Variants in PPME1 observed in about 807,000 individuals in gnomAD.
The protein encoded by PPME1 is protein phosphatase methylesterase 1, also known as testicular secretory protein Li 39.
PPME1 carries 17 observed loss-of-function variants against 56.9 expected under a neutral mutation model. The observed-to-expected ratio is 0.30, with a 90% CI of 0.20 to 0.45. The LOEUF (loss-of-function observed/expected upper bound fraction) is 0.45. Among genes scored for constraint, PPME1 ranks in the 20% least tolerant of loss-of-function variants. The probability of loss-of-function intolerance (pLI) is 1.00; values close to 1 mark genes in which losing one functional copy is unlikely to be tolerated. For synonymous variants in PPME1, 122 were observed against 156.2 expected, an observed-to-expected ratio of 0.78 and a Z score of 1.63; for missense variants, 357 against 483.2, an observed-to-expected ratio of 0.74 and a Z score of 2.45.
intron 12 of PPME1, chr11:74,251,227 T>C (rs745480545): frequency 7.9e-5 from 111 of 1,402,780 alleles, no homozygotes; most frequent in Non-Finnish European, 1.0e-4. Flanking sequence ...CTACTGACAC[T>C]CTGCTATTTC....
intron 11 of PPME1, chr11:74,249,776 TAC>T (rs1156762569): frequency 6.6e-6 from 1 of 152,316 alleles, no homozygotes; most frequent in East Asian, 1.9e-4. Flanking sequence ...ACTTGAAACT[TAC>T]AAGAGGGCCA....
intron 1 of PPME1, among the ~76,000 whole-genome samples, chr11:74,179,176 A>G (rs1857469962): frequency 6.6e-6 from 1 of 152,154 alleles, no homozygotes; most frequent in African/African-American, 2.4e-5. Context: ...GTTTAAGTAG[A>G]CATCCTCTCT....
Position 74,188,525 on chromosome 11 carries a change from G to A in PPME1, c.102-15203G>A, listed in dbSNP as rs544630748. ...AAAGGAAGGACAAAAGGAATCAAGC[G>A]TTCACCCTGACATTTTCATTTCAAA... On this transcript the variant is annotated intron_variant, in intron 1 of 13. Transcript: ENST00000328257. Among the ~76,000 whole-genome samples the A allele has an allele frequency of 3.9e-5, 6 of 152,126 alleles. No homozygotes were observed. In the South Asian group the frequency reaches 1.0e-3, roughly 26 times the overall value.
At chr11:74,218,563 A>G (rs149941442) in intron 3 of PPME1, among the ~76,000 whole-genome samples, 8,672 of 152,222 alleles carry the variant, frequency 0.057, 415 homozygotes, top group African/African-American at 0.13. Context: ...ACATAGACCA[A>G]TGGAACAGAA....
At position 74,246,193 on chromosome 11, in the gene PPME1, C is replaced by T; in HGVS notation, c.952C>T (p.Leu318=). Residue 318 remains leucine, a synonymous_variant, in exon 10 of 14, where the codon CTG becomes TTG. Coordinates refer to ENST00000328257, the MANE Select transcript of PPME1 (RefSeq NM_016147.3). The part of the protein sequence containing the change: ...LFLSCPIPKL[L]LLAGVDRLDK... ...TCTTAGTTGTCCCATTCCTAAATTG[C>T]TGCTCTTGGCTGGTAAGTGTATATG... 6.4e-7 allele frequency: 1 copy of T among 1,551,748 alleles called. No individual in the cohort carries two copies. Among genetic ancestry groups the T allele is most frequent in the South Asian group, 1.2e-5 (1 of 84,010 alleles).
At chr11:74,193,910 G>A (rs747848947) in intron 1 of PPME1, among the ~76,000 whole-genome samples, 10 of 151,974 alleles carry the variant, frequency 6.6e-5, no homozygotes, top group South Asian at 6.2e-4. Flanking sequence ...GTTTCCTCAC[G>A]TATTTTATGC....
chr11:74,230,734 G>T lies in PPME1; in HGVS notation c.554-178G>T, dbSNP rs967278501. 4.7e-5 allele frequency: 29 copies of T among 618,696 alleles called. No individual in the cohort carries two copies. The highest frequency in any genetic ancestry group is 7.6e-5 in the Non-Finnish European group (27 of 354,448). The allele number at this position is 618,696 out of a possible 1,614,324, so 38.3% of individuals were successfully genotyped here. A position where few individuals can be genotyped will look rare whatever the true frequency, so the allele number is the denominator to read the frequency against. On this transcript the variant is annotated intron_variant, in intron 6 of 13. Transcript: ENST00000328257. The surrounding 1 kb of genome is among the most constrained non-coding windows in gnomAD (Gnocchi z 4.9). ...ACAAGTCATCCTCTTCAGTGTGAGG[G>T]CATGACATAAAGAAGTGAATACCCC...
intron 1 of PPME1, among the ~76,000 whole-genome samples, chr11:74,203,196 G>T (rs1198891858): frequency 6.6e-6 from 1 of 152,100 alleles, no homozygotes; most frequent in Non-Finnish European, 1.5e-5. Flanking sequence ...TAAGTTGAAG[G>T]TATTGATATT....
intron 1 of PPME1, among the ~76,000 whole-genome samples, chr11:74,189,631 T>G (rs1250161815): frequency 6.6e-6 from 1 of 152,222 alleles, no homozygotes; most frequent in African/African-American, 2.4e-5. Flanking sequence ...TAAGATATTC[T>G]AATCACTTCT....
At chr11:74,193,757 T>G (rs1030333105) in intron 1 of PPME1, among the ~76,000 whole-genome samples, 5 of 152,248 alleles carry the variant, frequency 3.3e-5, no homozygotes, top group Non-Finnish European at 4.4e-5. Flanking sequence ...CTGTGTCTAA[T>G]ATGTTAAACT....
chr11:74,184,587 A>G lies in PPME1; in HGVS notation c.101+13065A>G, dbSNP rs911083830. Among the ~76,000 whole-genome samples, 9 of 152,174 alleles carry G rather than the reference A, an allele frequency of 5.9e-5. 1 individual carries two copies. The highest frequency in any genetic ancestry group is 2.0e-4 in the Admixed American group (3 of 15,286). On this transcript the variant is annotated intron_variant, in intron 1 of 13. Transcript: ENST00000328257. ...AGTAAGGGTGGTACTTTAAATTTTTATAGCATTTGATTTAACAAAATCTTC... is the reference window on the plus strand; with the variant it reads ...AGTAAGGGTGGTACTTTAAATTTTTGTAGCATTTGATTTAACAAAATCTTC...
At chr11:74,198,617 A>AT (rs961292156) in intron 1 of PPME1, 136 of 151,470 alleles carry the variant, frequency 9.0e-4, no homozygotes, top group African/African-American at 2.5e-3. Flanking sequence ...GCACTACCTA[A>AT]TTTTTTTTTG....
chr11:74,179,687 A>G (rs1024837766), intron 1 of PPME1, among the ~76,000 whole-genome samples: 1 of 152,142 alleles, frequency 6.6e-6, no homozygotes, highest in Non-Finnish European at 1.5e-5. Context: ...GAGTTAGATG[A>G]TCTCTAACAG....
rs1859756237 is a variant in PPME1, at chr11:74,253,462, G to A, written c.1143-30G>A. Reference sequence around the variant, plus strand: ...GGGAAAGCTATTGATAGTTACATTTGTTTTTCCTTCTCTTTCTGTTCTTCC... The same window carrying A: ...GGGAAAGCTATTGATAGTTACATTTATTTTTCCTTCTCTTTCTGTTCTTCC... On this transcript the variant is annotated intron_variant, in intron 13 of 13. Transcript: ENST00000328257. 1.9e-6 allele frequency: 3 copies of A among 1,596,556 alleles called. No homozygotes were observed. In the African/African-American group the frequency reaches 4.0e-5, roughly 21 times the overall value.
rs1188922086 is a variant in PPME1, at chr11:74,171,398, C to T, written c.-24C>T. 2 of 1,599,584 alleles carry T rather than the reference C, an allele frequency of 1.3e-6. No homozygotes were observed. The highest frequency in any genetic ancestry group is 1.7e-6 in the Non-Finnish European group (2 of 1,173,346). On this transcript the variant is annotated 5_prime_UTR_variant, in exon 1 of 14. Transcript: ENST00000328257. ...GGACGAAGCTTCGCCTACTGTTTGA[C>T]TACGTGCGTGCAGCCTCCCCTCGAT... is the stretch of plus-strand genomic sequence containing the variant.
intron 1 of PPME1, among the ~76,000 whole-genome samples, chr11:74,183,920 TAG>T (rs973895156): frequency 2.0e-5 from 3 of 152,156 alleles, no homozygotes; most frequent in African/African-American, 7.2e-5. Flanking sequence ...ATTTTCCCAA[TAG>T]CAATAGTTTA....
intron 9 of PPME1, among the ~76,000 whole-genome samples, chr11:74,239,639 C>T (rs982331626): frequency 1.1e-4 from 17 of 149,422 alleles, no homozygotes; most frequent in African/African-American, 4.0e-4. Flanking sequence ...TACAATGGCG[C>T]GATCTCGGCT....
chr11:74,227,058 T>C (rs997171686), intron 5 of PPME1, among the ~76,000 whole-genome samples: 4 of 152,034 alleles, frequency 2.6e-5, no homozygotes, highest in African/African-American at 7.2e-5. Context: ...TAGGGAAAGC[T>C]ATTCGTGGGG....
chr11:74,181,254 T>C (rs983744734), intron 1 of PPME1, among the ~76,000 whole-genome samples: 2 of 151,586 alleles, frequency 1.3e-5, no homozygotes, highest in Non-Finnish European at 2.9e-5. Context: ...TTCACCTTGT[T>C]AGCCAGGATG....
Sources: allele counts gnomAD v4.1 joint callset (sites outside exome capture counted in the v4.1 genomes callset), GRCh38; gene constraint gnomAD v4.1.1; non-coding constraint Gnocchi (gnomAD v3.1); transcripts MANE v1.5; gene names NCBI Gene and HGNC (gene_info 2026-07-23, HGNC 2026-07-21).